The following VPS13D variants were observed in gnomAD, a reference collection of about 807,000 sequenced individuals.
VPS13D encodes the protein intermembrane lipid transfer protein VPS13D.
In VPS13D, 187 loss-of-function variants were observed where a neutral mutation model predicts 461.9. The ratio of observed to expected loss-of-function variants is 0.40; its 90% confidence interval spans 0.36 to 0.46. The LOEUF (loss-of-function observed/expected upper bound fraction) is 0.46, where lower values mean the gene tolerates loss of function less well. Among genes scored for constraint, VPS13D ranks in the 20% least tolerant of loss-of-function variants. VPS13D has a pLI of 0.60. For missense variants in VPS13D, 4,711 were observed against 5,364.9 expected, an observed-to-expected ratio of 0.88 and a Z score of 3.81; for synonymous variants, 1,951 against 1,986.3, an observed-to-expected ratio of 0.98 and a Z score of 0.47.
At chr1:12,384,982 A>G (rs906502843) in intron 58 of VPS13D, among the ~76,000 whole-genome samples, 2 of 152,152 alleles carry the variant, frequency 1.3e-5, no homozygotes, top group African/African-American at 4.8e-5. Context: ...TGAGGTTTGC[A>G]TATTTTGACT....
At chr1:12,387,870 A>G (rs887012089) in intron 60 of VPS13D, among the ~76,000 whole-genome samples, 22 of 152,238 alleles carry the variant, frequency 1.4e-4, no homozygotes, top group African/African-American at 5.3e-4. Flanking sequence ...GAATGACAAC[A>G]GATTTCTTTT....
chr1:12,293,314 G>A (rs1300358263), intron 23 of VPS13D, among the ~76,000 whole-genome samples: 1 of 152,198 alleles, frequency 6.6e-6, no homozygotes, highest in Non-Finnish European at 1.5e-5. Context: ...CTGTCCACCT[G>A]TTTATACTCC....
At chr1:12,497,673 G>A (rs1645979046) in intron 68 of VPS13D, 42 bp downstream of exon 68, 3 of 1,581,806 alleles carry the variant, frequency 1.9e-6, no homozygotes, top group Non-Finnish European at 2.6e-6. Flanking sequence ...GGTCTACTGA[G>A]TTGCCTCTTC....
chr1:12,312,284 G>C (rs2101500627), intron 29 of VPS13D, among the ~76,000 whole-genome samples: 1 of 152,314 alleles, frequency 6.6e-6, no homozygotes, highest in Non-Finnish European at 1.5e-5. Context: ...CGGGAAAAAT[G>C]AGCTCTGAAT....
chr1:12,325,570 T>C lies in VPS13D; in HGVS notation c.7990+1790T>C, dbSNP rs542331731. ...ACTGTACCCGGCCTCTTTCTACTTC[T>C]CTACCTACTGTGGACAGTATATCCA... On this transcript the variant is annotated intron_variant, in intron 35 of 69. Transcript: ENST00000620676. Among the ~76,000 whole-genome samples the C allele has an allele frequency of 2.0e-4, 30 of 152,354 alleles. No individual in the cohort carries two copies. In the East Asian group the frequency reaches 5.2e-3, roughly 26 times the overall value.
At chr1:12,350,212 A>G (rs1048476930) in intron 46 of VPS13D, among the ~76,000 whole-genome samples, 4 of 152,206 alleles carry the variant, frequency 2.6e-5, no homozygotes, top group African/African-American at 9.6e-5. Flanking sequence ...AGACATTTAT[A>G]TACAGATTAT....
At chr1:12,449,194 C>T (rs910269783) in intron 65 of VPS13D, among the ~76,000 whole-genome samples, 2 of 151,610 alleles carry the variant, frequency 1.3e-5, no homozygotes, top group Non-Finnish European at 2.9e-5. Flanking sequence ...GATGTCAGTC[C>T]CAACTTTAAA....
intron 43 of VPS13D, 29 bp from the exon 44 acceptor site, chr1:12,346,576 C>T: frequency 6.2e-7 from 1 of 1,610,636 alleles, no homozygotes; most frequent in Non-Finnish European, 8.5e-7. Flanking sequence ...TAAGTCTGTG[C>T]TGACTCTAAC....
Position 12,247,782 on chromosome 1 carries a change from C to T in VPS13D, c.448-1441C>T, listed in dbSNP as rs372398232. Among the ~76,000 whole-genome samples the T allele has an allele frequency of 2.8e-4, 42 of 151,404 alleles. 3 individuals carry two copies. Among genetic ancestry groups the T allele is most frequent in the Admixed American group, 2.2e-3 (34 of 15,194 alleles). On this transcript the variant is annotated intron_variant, in intron 5 of 69. Coordinates refer to ENST00000620676, the MANE Select transcript of VPS13D (RefSeq NM_015378.4). ...GTGGTGGCGTGATCTCGGCTCACTGCAACCTCCGCCTCCCGGATTCAAGCG... is the reference window on the plus strand; with the variant it reads ...GTGGTGGCGTGATCTCGGCTCACTGTAACCTCCGCCTCCCGGATTCAAGCG...
chr1:12,445,101 T>G (rs11121910), intron 65 of VPS13D, among the ~76,000 whole-genome samples: 1 of 152,188 alleles, frequency 6.6e-6, no homozygotes, highest in South Asian at 2.1e-4. Flanking sequence ...AATAGAAAGA[T>G]GAGGTCAGAG....
In VPS13D at chr1:12,329,413, C is replaced by T. The variant is rs1296415379; in HGVS notation, c.8198-416C>T. On this transcript the variant is annotated intron_variant, in intron 36 of 69. Transcript: ENST00000620676. Reference sequence around the variant, plus strand: ...ATTTGTAGTAGAAATGGGGTTTCACCATGTTGGCCAGGATGGTCTCAATCT... The same window carrying T: ...ATTTGTAGTAGAAATGGGGTTTCACTATGTTGGCCAGGATGGTCTCAATCT... 5.3e-4 allele frequency among the ~76,000 whole-genome samples: 81 copies of T among 152,216 alleles called. 1 individual carries two copies. Among genetic ancestry groups the T allele is most frequent in the African/African-American group, 1.9e-3 (78 of 41,544 alleles).
chr1:12,405,634 G>A (rs1470286244), intron 63 of VPS13D, among the ~76,000 whole-genome samples: 1 of 152,168 alleles, frequency 6.6e-6, no homozygotes, highest in East Asian at 1.9e-4. Flanking sequence ...ATGTTTCCCA[G>A]GAGATTAAAG....
chr1:12,296,479 A>G (rs762834700), intron 24 of VPS13D, among the ~76,000 whole-genome samples: 1 of 152,072 alleles, frequency 6.6e-6, no homozygotes, highest in Non-Finnish European at 1.5e-5. Context: ...GAATCCAGCT[A>G]TTTTTCCTAG....
Position 12,275,985 on chromosome 1 carries a change from C to A in VPS13D, c.2397C>A (p.Phe799Leu), listed in dbSNP as rs751641508. ...CACCTCCCTTTTCTGGAGTTGAGTT[C>A]AGTGAAGAACAGCTTCAAGCACATT... ...EKTPPFSGVE[F>L]SEEQLQAHLM... Residue 799 changes from phenylalanine to leucine, a missense_variant, in exon 19 of 70, where the codon TTC becomes TTA. Around this residue, in one of 3 missense-constraint regions of VPS13D, gnomAD observed 4,411 missense variants for 4,937.8 expected, o/e 0.89. Transcript: ENST00000620676. 1.2e-6 allele frequency: 2 copies of A among 1,613,746 alleles called. No individual in the cohort carries two copies. The highest frequency in any genetic ancestry group is 2.7e-5 in the African/African-American group (2 of 74,840).
chr1:12,304,839 G>A (rs1427689274), intron 26 of VPS13D, 111 bp downstream of exon 26: 7 of 1,061,858 alleles, frequency 6.6e-6, no homozygotes, highest in East Asian at 5.2e-5. Flanking sequence ...CGAAGAGATA[G>A]CATTTCTTTA....
intron 36 of VPS13D, among the ~76,000 whole-genome samples, chr1:12,329,402 T>C (rs1322006954): frequency 6.6e-6 from 1 of 152,156 alleles, no homozygotes; most frequent in Non-Finnish European, 1.5e-5. Flanking sequence ...GTAGTAGAAA[T>C]GGGGTTTCAC....
chr1:12,257,162 C>A (rs1245225948), intron 9 of VPS13D, 75 bp downstream of exon 9: 2 of 1,288,906 alleles, frequency 1.6e-6, no homozygotes, highest in East Asian at 2.3e-5. Context: ...CAGAAATATG[C>A]CTCACTGTCC....
intron 52 of VPS13D, among the ~76,000 whole-genome samples, chr1:12,365,117 T>C (rs1043595016): frequency 6.6e-6 from 1 of 152,234 alleles, no homozygotes; most frequent in African/African-American, 2.4e-5. Context: ...TTCATTGGTC[T>C]ATATGTCTTT....
In VPS13D at chr1:12,497,527, G is replaced by A. The variant is rs1364997854; in HGVS notation, c.12690G>A (p.Pro4230=). The change falls in exon 68 of 70, where the codon CCG becomes CCA. Residue 4230 remains proline (P), a synonymous_variant. Transcript: ENST00000620676. ...CTCAAGCACAGAGGGTTCGGAAACCGCGTTGCTGCACGGGGCCCCAGGGGC... is the reference window on the plus strand; with the variant it reads ...CTCAAGCACAGAGGGTTCGGAAACCACGTTGCTGCACGGGGCCCCAGGGGC... ...PRTQAQRVRK[P]RCCTGPQGLL... 6 of 1,613,906 alleles carry A rather than the reference G, an allele frequency of 3.7e-6. No homozygotes were observed. The highest frequency in any genetic ancestry group is 3.4e-6 in the Non-Finnish European group (4 of 1,179,960).
Sources: gnomAD v4.1 joint callset for allele counts (sites outside exome capture counted in the v4.1 genomes callset) on GRCh38, gnomAD v4.1.1 for gene constraint, gnomAD v4.1.1 regional missense constraint, MANE v1.5 for transcripts, NCBI Gene and HGNC (gene_info 2026-07-23, HGNC 2026-07-21) for gene names.